Variants in ATP13A1 observed in about 807,000 individuals in gnomAD.
The protein encoded by ATP13A1 is endoplasmic reticulum transmembrane helix translocase.
ATP13A1 carries 55 observed loss-of-function variants against 134.8 expected under a neutral mutation model. The ratio of observed to expected loss-of-function variants is 0.41; its 90% confidence interval spans 0.33 to 0.51. The LOEUF (loss-of-function observed/expected upper bound fraction) is 0.51, where lower values mean the gene tolerates loss of function less well. Ranked by LOEUF, ATP13A1 falls within the 20% of genes least tolerant of loss-of-function variation. The pLI is 0.29. For synonymous variants in ATP13A1, 775 were observed against 725.1 expected (o/e 1.07, Z -1.10); for missense variants, 1,389 against 1,652.8 (o/e 0.84, Z 2.77).
At position 19,647,561 on chromosome 19, in the gene ATP13A1, C is replaced by A; in HGVS notation, c.2794-33G>T. 6.2e-7 allele frequency: 1 copy of A among 1,612,070 alleles called. No homozygotes were observed. The highest frequency in any genetic ancestry group is 8.5e-7 in the Non-Finnish European group (1 of 1,178,946). Reference sequence around the variant, plus strand: ...GTAGACAGCAGGCTGTCAGCCCTGGCCAGGATGGGGTGCAGCACCTCCCCT... The same window carrying A: ...GTAGACAGCAGGCTGTCAGCCCTGGACAGGATGGGGTGCAGCACCTCCCCT... On this transcript the variant is annotated intron_variant, in intron 20 of 25. Coordinates refer to ENST00000357324, the MANE Select transcript of ATP13A1 (RefSeq NM_020410.3). The surrounding 1 kb of genome is among the most constrained non-coding windows in gnomAD (Gnocchi z 4.8).
chr19:19,658,186 C>CAAG (rs2062072198), intron 3 of ATP13A1, among the ~76,000 whole-genome samples: 1 of 146,128 alleles, frequency 6.8e-6, no homozygotes, highest in African/African-American at 2.6e-5. Context: ...CTCGAGAATG[C>CAAG]AAGGACTTGG....
rs2062056325 is a variant in ATP13A1 at position 19,656,131 on chromosome 19, G to C, written c.1136C>G (p.Ser379Cys). The C allele has an allele frequency of 6.2e-7, 1 of 1,613,594 alleles. No individual in the cohort carries two copies. The highest frequency in any genetic ancestry group is 1.3e-5 in the African/African-American group (1 of 74,906). ...PDRVLDLQAD[S>C]RLHVIFGGTK... is the part of the protein sequence containing the mutation. ...GCCCCCGAAGATGACGTGCAGCCGGGAATCAGCCTGGAGGTCCAGCACCCG... is the reference window on the plus strand; with the variant it reads ...GCCCCCGAAGATGACGTGCAGCCGGCAATCAGCCTGGAGGTCCAGCACCCG... Residue 379 changes from serine (S) to cysteine (C), a missense_variant, in exon 8 of 26, where the codon TCC (serine) becomes TGC (cysteine). Physicochemically the swap from Ser to Cys is moderately radical, Grantham distance 112. This residue lies in a region of ATP13A1 where 747 missense variants were observed against 956.1 expected (regional missense o/e 0.78). Coordinates refer to ENST00000357324, the MANE Select transcript of ATP13A1 (RefSeq NM_020410.3). The surrounding 1 kb of genome is among the most constrained non-coding windows in gnomAD (Gnocchi z 4.6).
rs749319067 is a variant in ATP13A1 at position 19,647,524 on chromosome 19, C to T, written c.2798G>A (p.Arg933His). 1.7e-5 allele frequency: 27 copies of T among 1,612,196 alleles called. No individual in the cohort carries two copies. The highest frequency in any genetic ancestry group is 1.1e-4 in the East Asian group (5 of 44,870). Residue 933 changes from arginine (R) to histidine (H), a missense_variant, in exon 21 of 26, where the codon CGC becomes CAC. Physicochemically the swap from Arg to His is conservative, Grantham distance 29. Transcript: ENST00000357324. This position sits in a 1 kb window ranked among gnomAD's most constrained non-coding sequence, Gnocchi z 4.8. ...GAGGTCTCGCAGCACCTGGCTCAGG[C>T]GGTCCTGCAGGGTAGACAGCAGGCT... ...SEEQPTSQRD[R>H]LSQVLRDLED...
chr19:19,658,316 A>T (rs2062072960), intron 3 of ATP13A1, among the ~76,000 whole-genome samples: 2 of 152,012 alleles, frequency 1.3e-5, no homozygotes, highest in Non-Finnish European at 2.9e-5. Flanking sequence ...TATGTATGGG[A>T]TGTGAGAAGA....
chr19:19,656,142 G>C lies in ATP13A1; in HGVS notation c.1125C>G (p.Leu375=), dbSNP rs1232664629. ...TGACGTGCAGCCGGGAATCAGCCTG[G>C]AGGTCCAGCACCCGGTCTGGGCTGA... ...EDLSPDRVLD[L]QADSRLHVIF... The change falls in exon 8 of 26, where the codon CTC becomes CTG. Residue 375 remains leucine (L), a synonymous_variant. Transcript: ENST00000357324. This position sits in a 1 kb window ranked among gnomAD's most constrained non-coding sequence, Gnocchi z 4.6. The C allele has an allele frequency of 1.2e-6, 2 of 1,613,566 alleles. No homozygotes were observed. Among genetic ancestry groups the C allele is most frequent in the Non-Finnish European group, 1.7e-6 (2 of 1,179,754 alleles).
Position 19,656,637 on chromosome 19 carries a change from G to A in ATP13A1, c.1083+23C>T, listed in dbSNP as rs764283278. On this transcript the variant is annotated intron_variant, in intron 7 of 25. Coordinates refer to ENST00000357324, the MANE Select transcript of ATP13A1 (RefSeq NM_020410.3). The surrounding 1 kb of genome is among the most constrained non-coding windows in gnomAD (Gnocchi z 4.6). ...CCTGTTTCCTCCTGAACAGCTTGAG[G>A]ATCCCCATCCTCCACCAAGTACCTT... 6.2e-7 allele frequency: 1 copy of A among 1,607,550 alleles called. No homozygotes were observed. The highest frequency in any genetic ancestry group is 1.1e-5 in the South Asian group (1 of 90,268).
In ATP13A1 at chr19:19,647,718, G is replaced by A. The variant is rs762199597; in HGVS notation, c.2674C>T (p.Arg892Trp). 16 of 1,607,510 alleles carry A rather than the reference G, an allele frequency of 1.0e-5. No homozygotes were observed. The highest frequency in any genetic ancestry group is 2.2e-5 in the East Asian group (1 of 44,772). The change falls in exon 20 of 26, where the codon CGG becomes TGG. Residue 892 changes from arginine to tryptophan, a missense_variant. Around this residue, in one of 4 missense-constraint regions of ATP13A1, gnomAD observed 121 missense variants for 104.9 expected, o/e 1.15. Transcript: ENST00000357324. The surrounding 1 kb of genome is among the most constrained non-coding windows in gnomAD (Gnocchi z 4.8). ...GGGCTGTCCCGGGGCCGCCGTCGCC[G>A]CTCGACAACCCGCTCAGGGGCATTG... ...LANAPERVVE[R>W]RRRPRDSPTL...
At chr19:19,663,125 C>T in intron 1 of ATP13A1, 146 bp downstream of exon 1, 2 of 1,217,902 alleles carry the variant, frequency 1.6e-6, no homozygotes, top group Non-Finnish European at 2.4e-6. Flanking sequence ...ATTAAGCCTG[C>T]GCCAAAGTGT....
chr19:19,663,505 C>A lies in ATP13A1; in HGVS notation c.162G>T (p.Trp54Cys), dbSNP rs1328035521. 2.6e-6 allele frequency: 4 copies of A among 1,534,268 alleles called. No homozygotes were observed. ...GCAACAGCGCCAACCGCCGGTACGG[C>A]CACACGGCAGCCACCAGCTCGTCAC... ...ANGDELVAAV[W>C]PYRRLALLRR... The change falls in exon 1 of 26, where the codon TGG (tryptophan) becomes TGT (cysteine). Residue 54 changes from tryptophan to cysteine, a missense_variant. Physicochemically the swap from Trp to Cys is radical, Grantham distance 215. This residue lies in a region of ATP13A1 where 293 missense variants were observed against 270.8 expected (regional missense o/e 1.08). Coordinates refer to ENST00000357324, the MANE Select transcript of ATP13A1 (RefSeq NM_020410.3).
chr19:19,663,348 T>C lies in ATP13A1; in HGVS notation c.319A>G (p.Ile107Val). 1.3e-6 allele frequency: 2 copies of C among 1,593,662 alleles called. No homozygotes were observed. The highest frequency in any genetic ancestry group is 1.7e-6 in the Non-Finnish European group (2 of 1,171,356). The change falls in exon 1 of 26, where the codon ATC (isoleucine) becomes GTC (valine). Residue 107 changes from isoleucine (I) to valine (V), a missense_variant. Coordinates refer to ENST00000357324, the MANE Select transcript of ATP13A1 (RefSeq NM_020410.3). ...PEAALLVLATICLAHALTVLS... is the reference protein window; with the variant it reads ...PEAALLVLATVCLAHALTVLS... ...ACAGTGAGCGCGTGCGCGAGGCAGA[T>C]GGTGGCAAGCACGAGCAGCGCAGCT... is the stretch of plus-strand genomic sequence containing the variant.
At chr19:19,650,245 C>T in intron 17 of ATP13A1, 1 of 500,748 alleles carries the variant, frequency 2.0e-6, no homozygotes, top group Non-Finnish European at 3.6e-6. Flanking sequence ...GGCCCCCTAA[C>T]CTGAAACACA....
intron 1 of ATP13A1, among the ~76,000 whole-genome samples, chr19:19,661,877 C>T (rs1220393381): frequency 2.0e-5 from 3 of 152,220 alleles, no homozygotes; most frequent in Non-Finnish European, 4.4e-5. Flanking sequence ...TAACTACAAA[C>T]GTGACGTCAC....
intron 17 of ATP13A1, chr19:19,650,763 G>A (rs1282338906): frequency 3.9e-5 from 6 of 152,642 alleles, no homozygotes; most frequent in Admixed American, 3.9e-4. Flanking sequence ...CTCTGGCCCA[G>A]ACCTGTGAAT....
At chr19:19,652,421 G>A (rs775593709) in intron 16 of ATP13A1, among the ~76,000 whole-genome samples, 174 bp downstream of exon 16, 39 of 152,254 alleles carry the variant, frequency 2.6e-4, no homozygotes, top group Non-Finnish European at 4.4e-4. Flanking sequence ...CAGCACAGGC[G>A]GGTCCCAGAG....
rs771427339 is a variant in ATP13A1 at position 19,656,145 on chromosome 19, G to A, written c.1122C>T (p.Asp374=). 1.4e-5 allele frequency: 23 copies of A among 1,613,548 alleles called. No homozygotes were observed. The Admixed American group carries it at 3.7e-4, about 26-fold the overall frequency. ...CGTGCAGCCGGGAATCAGCCTGGAG[G>A]TCCAGCACCCGGTCTGGGCTGAGGT... is the stretch of plus-strand genomic sequence containing the variant. ...IEDLSPDRVL[D]LQADSRLHVI... Residue 374 remains aspartate, a synonymous_variant, in exon 8 of 26, where the codon GAC becomes GAT. Coordinates refer to ENST00000357324, the MANE Select transcript of ATP13A1 (RefSeq NM_020410.3). This position sits in a 1 kb window ranked among gnomAD's most constrained non-coding sequence, Gnocchi z 4.6.
rs2062052391 is a variant in ATP13A1 at position 19,655,617 on chromosome 19, C to G, written c.1307G>C (p.Arg436Thr). Reference sequence around the variant, plus strand: ...GGTCTCCAGGTTGTTCGCAGTCACCCTCTTGACCCCGAAGAGGATGGTGCG... The same window carrying G: ...GGTCTCCAGGTTGTTCGCAGTCACCGTCTTGACCCCGAAGAGGATGGTGCG... ...LLRTILFGVK[R>T]VTANNLETFI... Residue 436 changes from arginine to threonine, a missense_variant, in exon 10 of 26, where the codon AGG (arginine) becomes ACG (threonine). Arg to Thr is a moderately conservative substitution (Grantham distance 71). Transcript: ENST00000357324. This position sits in a 1 kb window ranked among gnomAD's most constrained non-coding sequence, Gnocchi z 5.7. 6.2e-7 allele frequency: 1 copy of G among 1,613,826 alleles called. No homozygotes were observed. Among genetic ancestry groups the G allele is most frequent in the Non-Finnish European group, 8.5e-7 (1 of 1,179,834 alleles).
chr19:19,646,899 CT>C (rs2061989684), intron 22 of ATP13A1: 1 of 566,956 alleles, frequency 1.8e-6, no homozygotes, highest in Admixed American at 3.3e-5. Context: ...GGGCCCACCC[CT>C]GGGACCCCTA....
chr19:19,659,865 C>T (rs1473840288), intron 2 of ATP13A1, 33 bp downstream of exon 2: 2 of 1,590,194 alleles, frequency 1.3e-6, no homozygotes, highest in Non-Finnish European at 1.7e-6. Flanking sequence ...CTACTCAAGC[C>T]CCTCCTCCAG....
Position 19,645,889 on chromosome 19 carries a change from G to C in ATP13A1, c.3345C>G (p.Phe1115Leu), listed in dbSNP as rs773108473. ...IMAMAMQMAT[F>L]AINYKGPPFM... is the part of the protein sequence containing the mutation. ...CAGGCCTTACTTTGTAATTGATGGC[G>C]AAGGTGGCCATCTGCATGGCCATGG... Residue 1115 changes from phenylalanine (F) to leucine (L), a missense_variant, in exon 24 of 26, where the codon TTC becomes TTG. Physicochemically the swap from Phe to Leu is conservative, Grantham distance 22. Around this residue, in one of 4 missense-constraint regions of ATP13A1, gnomAD observed 228 missense variants for 321.0 expected, o/e 0.71. Transcript: ENST00000357324. The surrounding 1 kb of genome is among the most constrained non-coding windows in gnomAD (Gnocchi z 4.1). 1.2e-6 allele frequency: 2 copies of C among 1,613,792 alleles called. No homozygotes were observed. Among genetic ancestry groups the C allele is most frequent in the Non-Finnish European group, 1.7e-6 (2 of 1,179,886 alleles).
Sources: allele counts gnomAD v4.1 joint callset (sites outside exome capture counted in the v4.1 genomes callset), GRCh38; gene constraint gnomAD v4.1.1; regional missense constraint gnomAD v4.1.1; non-coding constraint Gnocchi (gnomAD v3.1); transcripts MANE v1.5; gene names NCBI Gene and HGNC (gene_info 2026-07-23, HGNC 2026-07-21).